Variants in CNTNAP2 observed in about 807,000 individuals in gnomAD.
CNTNAP2 encodes the protein contactin-associated protein-like 2.
In CNTNAP2, 98 loss-of-function variants were observed where a neutral mutation model predicts 155.2. The ratio of observed to expected loss-of-function variants is 0.63; its 90% CI spans 0.54 to 0.75. CNTNAP2 has a LOEUF of 0.75. CNTNAP2 is among the 30% of genes least tolerant of loss of function. CNTNAP2 has a pLI of 0.00. For missense variants in CNTNAP2, 1,727 were observed against 1,688.1 expected (o/e 1.02, Z -0.40); for synonymous variants, 651 against 631.2 (o/e 1.03, Z -0.47).
At chr7:146,427,309 T>G (rs1287001187) in intron 1 of CNTNAP2, among the ~76,000 whole-genome samples, 2 of 152,290 alleles carry the variant, frequency 1.3e-5, no homozygotes, top group Non-Finnish European at 2.9e-5. Flanking sequence ...AAGAGCCAGA[T>G]AGCAGATATT....
chr7:147,034,272 C>T (rs1029728147), intron 3 of CNTNAP2, among the ~76,000 whole-genome samples: 1 of 152,158 alleles, frequency 6.6e-6, no homozygotes, highest in Admixed American at 6.5e-5. Context: ...CTTTCTTTGC[C>T]GTCTTCGTTT....
At chr7:146,600,849 T>C (rs1190906204) in intron 1 of CNTNAP2, among the ~76,000 whole-genome samples, 4 of 152,162 alleles carry the variant, frequency 2.6e-5, no homozygotes, top group Non-Finnish European at 4.4e-5. Context: ...CTGAAATATA[T>C]TGCTCTAAGC....
chr7:147,606,458 T>C (rs930875546), intron 12 of CNTNAP2, among the ~76,000 whole-genome samples: 2 of 152,246 alleles, frequency 1.3e-5, no homozygotes, highest in African/African-American at 2.4e-5. Flanking sequence ...TGATGATTTA[T>C]CCTATTTAAG....
chr7:146,993,915 C>T (rs1400124996), intron 3 of CNTNAP2, among the ~76,000 whole-genome samples: 4 of 152,100 alleles, frequency 2.6e-5, no homozygotes, highest in Non-Finnish European at 5.9e-5. Context: ...CCAGGTTCAA[C>T]CAATACCACT....
chr7:146,214,657 C>T (rs1246032549), intron 1 of CNTNAP2, among the ~76,000 whole-genome samples: 1 of 152,132 alleles, frequency 6.6e-6, no homozygotes, highest in East Asian at 1.9e-4. Context: ...AAATGTATTG[C>T]TCAGCTTTCA....
At chr7:146,716,372 T>TA (rs893124026) in intron 1 of CNTNAP2, among the ~76,000 whole-genome samples, 3 of 145,448 alleles carry the variant, frequency 2.1e-5, no homozygotes, top group African/African-American at 8.5e-5. Flanking sequence ...ATCAGTGGTT[T>TA]AAAAAAACTC....
At chr7:146,788,809 A>C (rs117462905) in intron 2 of CNTNAP2, among the ~76,000 whole-genome samples, 3,033 of 152,236 alleles carry the variant, frequency 0.02, 51 homozygotes, top group Middle Eastern at 0.051. Context: ...TGGTCATTTC[A>C]AGACATCCAC....
At chr7:146,948,459 G>A (rs1797237842) in intron 3 of CNTNAP2, among the ~76,000 whole-genome samples, 1 of 151,404 alleles carries the variant, frequency 6.6e-6, no homozygotes, top group Admixed American at 6.6e-5. Flanking sequence ...TATTAATTTT[G>A]CATCTAAATA....
At chr7:146,353,333 G>A (rs1285709921) in intron 1 of CNTNAP2, among the ~76,000 whole-genome samples, 6 of 152,108 alleles carry the variant, frequency 3.9e-5, no homozygotes, top group Admixed American at 1.3e-4. Flanking sequence ...CTTGGCTTCA[G>A]ACATTACTTG....
chr7:147,608,171 A>T (rs1237479062), intron 12 of CNTNAP2, among the ~76,000 whole-genome samples: 1 of 150,784 alleles, frequency 6.6e-6, no homozygotes, highest in East Asian at 2.0e-4. Flanking sequence ...CAGTGTGTAC[A>T]CTTACCATAG....
chr7:147,141,096 C>T (rs192597326), intron 8 of CNTNAP2, among the ~76,000 whole-genome samples: 1 of 152,232 alleles, frequency 6.6e-6, no homozygotes, highest in East Asian at 1.9e-4. Context: ...TAAGTTAGGT[C>T]CTGCATTATT....
At chr7:147,058,215 AGAG>A (rs1194471821) in intron 4 of CNTNAP2, among the ~76,000 whole-genome samples, 1 of 152,202 alleles carries the variant, frequency 6.6e-6, no homozygotes, top group Non-Finnish European at 1.5e-5. Context: ...TTTGGGATCA[AGAG>A]GAGATTGATT....
At chr7:146,552,025 T>C (rs1798130098) in intron 1 of CNTNAP2, among the ~76,000 whole-genome samples, 2 of 152,034 alleles carry the variant, frequency 1.3e-5, no homozygotes, top group Non-Finnish European at 1.5e-5. Context: ...TGGAAATAGA[T>C]AAAAAATGCA....
chr7:147,855,893 G>T (rs1372963461), intron 13 of CNTNAP2, among the ~76,000 whole-genome samples: 2 of 152,088 alleles, frequency 1.3e-5, no homozygotes, highest in East Asian at 3.9e-4. Context: ...ATGTCGATTT[G>T]AACACCTATT....
intron 21 of CNTNAP2, among the ~76,000 whole-genome samples, chr7:148,274,488 G>C (rs1796836753): frequency 6.6e-6 from 1 of 152,212 alleles, no homozygotes; most frequent in Admixed American, 6.5e-5. Flanking sequence ...TCATGGTGGT[G>C]GAAGCCTCAT....
chr7:147,524,415 C>A (rs909619118), intron 11 of CNTNAP2, among the ~76,000 whole-genome samples: 1 of 152,018 alleles, frequency 6.6e-6, no homozygotes, highest in Non-Finnish European at 1.5e-5. Context: ...AAAAGCGTGG[C>A]TCTGTTATGC....
chr7:148,057,648 T>C (rs1803046381), intron 15 of CNTNAP2, among the ~76,000 whole-genome samples: 1 of 152,198 alleles, frequency 6.6e-6, no homozygotes, highest in Non-Finnish European at 1.5e-5. Context: ...GAAGAAAGAC[T>C]GTGGGCATCA....
intron 1 of CNTNAP2, among the ~76,000 whole-genome samples, chr7:146,482,399 T>TTA (rs71763608): frequency 0.029 from 4,220 of 147,056 alleles, 79 homozygotes; most frequent in South Asian, 0.051. Flanking sequence ...TGTGTGTGTA[T>TTA]TATATATATA....
intron 13 of CNTNAP2, among the ~76,000 whole-genome samples, chr7:147,835,240 G>A (rs1798615722): frequency 6.6e-6 from 1 of 152,216 alleles, no homozygotes; most frequent in Non-Finnish European, 1.5e-5. Flanking sequence ...AGGAGGACCA[G>A]AGGACAAAAC....
Sources: allele counts gnomAD v4.1 joint callset (sites outside exome capture counted in the v4.1 genomes callset), GRCh38; gene constraint gnomAD v4.1.1; transcripts MANE v1.5; gene names NCBI Gene and HGNC (gene_info 2026-07-23, HGNC 2026-07-21).